PRKD1: variants seen among roughly 807,000 people sequenced by gnomAD.
PRKD1 encodes serine/threonine-protein kinase D1.
Under a neutral mutation model 95.9 loss-of-function variants are expected in PRKD1, and 63 were observed. The observed-to-expected ratio is 0.66, with a 90% confidence interval of 0.54 to 0.81. The LOEUF is 0.81. PRKD1 is among the 30% of genes least tolerant of loss of function. The probability of loss-of-function intolerance (pLI) is 0.00; values close to 1 mark genes in which losing one functional copy is unlikely to be tolerated. For synonymous variants in PRKD1, 425 were observed against 423.1 expected (o/e 1.00, Z -0.05); for missense variants, 1,048 against 1,165.3 (o/e 0.90, Z 1.47).
chr14:29,591,875 A>C (rs1461416821), intron 16 of PRKD1, among the ~76,000 whole-genome samples: 1 of 152,130 alleles, frequency 6.6e-6, no homozygotes, highest in African/African-American at 2.4e-5. Flanking sequence ...CATGAGGGAT[A>C]TCTTGATCTA....
chr14:29,744,753 G>A (rs1887135944), intron 1 of PRKD1, among the ~76,000 whole-genome samples: 1 of 152,038 alleles, frequency 6.6e-6, no homozygotes, highest in Non-Finnish European at 1.5e-5. Flanking sequence ...TTACCATGTT[G>A]CCAAGCTGGT....
At chr14:29,863,276 G>A (rs1337390584) in intron 1 of PRKD1, among the ~76,000 whole-genome samples, 2 of 151,986 alleles carry the variant, frequency 1.3e-5, no homozygotes, top group African/African-American at 4.8e-5. Context: ...AATTAATAAG[G>A]TAGGTACATA....
intron 2 of PRKD1, among the ~76,000 whole-genome samples, chr14:29,693,818 C>G (rs892386976): frequency 6.6e-5 from 10 of 152,142 alleles, no homozygotes; most frequent in Admixed American, 6.5e-4. Context: ...AGACTGTTAC[C>G]CAGATGGTTT....
At chr14:29,593,525 C>A (rs1464460290) in intron 16 of PRKD1, among the ~76,000 whole-genome samples, 2 of 152,214 alleles carry the variant, frequency 1.3e-5, no homozygotes, top group East Asian at 3.9e-4. Flanking sequence ...CATAGCCAAT[C>A]AGTGCCCCTT....
intron 1 of PRKD1, among the ~76,000 whole-genome samples, chr14:29,913,915 A>G (rs1365103326): frequency 6.6e-6 from 1 of 152,230 alleles, no homozygotes; most frequent in African/African-American, 2.4e-5. Flanking sequence ...CCTTTTCATT[A>G]GCAAGATACT....
At chr14:29,751,355 G>C (rs1279525850) in intron 1 of PRKD1, among the ~76,000 whole-genome samples, 1 of 152,142 alleles carries the variant, frequency 6.6e-6, no homozygotes, top group African/African-American at 2.4e-5. Flanking sequence ...GTCTACAGCT[G>C]GCTTCTGGGG....
chr14:29,887,134 T>C (rs1021523369), intron 1 of PRKD1, among the ~76,000 whole-genome samples: 2 of 152,192 alleles, frequency 1.3e-5, no homozygotes, highest in Non-Finnish European at 2.9e-5. Flanking sequence ...AATGTTAATA[T>C]AAAACTTTCT....
intron 1 of PRKD1, among the ~76,000 whole-genome samples, chr14:29,839,061 C>T (rs1370673634): frequency 6.6e-6 from 1 of 151,976 alleles, no homozygotes; most frequent in African/African-American, 2.4e-5. Flanking sequence ...GAAGATAAAG[C>T]CCACAATGTC....
intron 1 of PRKD1, among the ~76,000 whole-genome samples, chr14:29,925,769 CAG>C (rs1411823195): frequency 6.6e-6 from 1 of 152,184 alleles, no homozygotes; most frequent in African/African-American, 2.4e-5. Context: ...TAAAATTGTA[CAG>C]AATTACCTTT....
chr14:29,598,312 T>G (rs72675572), intron 15 of PRKD1, among the ~76,000 whole-genome samples: 59,528 of 142,576 alleles, frequency 0.42, 12,552 homozygotes, highest in African/African-American at 0.55. Flanking sequence ...TAAAATAAAA[T>G]AAAATAAAAT....
At chr14:29,869,986 T>C (rs1893046534) in intron 1 of PRKD1, among the ~76,000 whole-genome samples, 2 of 152,134 alleles carry the variant, frequency 1.3e-5, no homozygotes, top group South Asian at 4.1e-4. Context: ...TTCTTAATGA[T>C]TCTCCTTCAA....
intron 1 of PRKD1, among the ~76,000 whole-genome samples, chr14:29,869,456 A>G (rs75429340): frequency 6.6e-6 from 1 of 151,790 alleles, no homozygotes; most frequent in Non-Finnish European, 1.5e-5. Flanking sequence ...AAAAAAAAAA[A>G]GAAGAAAGAA....
At chr14:29,816,031 A>G (rs1890677971) in intron 1 of PRKD1, among the ~76,000 whole-genome samples, 1 of 152,184 alleles carries the variant, frequency 6.6e-6, no homozygotes, top group South Asian at 2.1e-4. Flanking sequence ...CATCCTGGCC[A>G]ACATGGTGAA....
intron 2 of PRKD1, among the ~76,000 whole-genome samples, chr14:29,721,215 G>A (rs1371830392): frequency 6.6e-6 from 1 of 152,100 alleles, no homozygotes; most frequent in Non-Finnish European, 1.5e-5. Context: ...TGATAGTGAG[G>A]ACCAAAAACT....
chr14:29,839,507 G>T (rs1414410017), intron 1 of PRKD1, among the ~76,000 whole-genome samples: 1 of 152,106 alleles, frequency 6.6e-6, no homozygotes, highest in Non-Finnish European at 1.5e-5. Context: ...GCTGTCAATG[G>T]ATCTACCATT....
chr14:29,779,706 T>C (rs1594511255), intron 1 of PRKD1, among the ~76,000 whole-genome samples: 1 of 152,122 alleles, frequency 6.6e-6, no homozygotes, highest in Admixed American at 6.6e-5. Context: ...AAAATGGCCA[T>C]ACTGCCCAAG....
At chr14:29,658,743 G>A (rs1233292692) in intron 4 of PRKD1, among the ~76,000 whole-genome samples, 1 of 152,140 alleles carries the variant, frequency 6.6e-6, no homozygotes, top group Non-Finnish European at 1.5e-5. Context: ...TACTGCAGGT[G>A]ACAATGTTTA....
chr14:29,782,752 C>A (rs556778965), intron 1 of PRKD1, among the ~76,000 whole-genome samples: 1 of 152,032 alleles, frequency 6.6e-6, no homozygotes, highest in African/African-American at 2.4e-5. Context: ...GCCATGTTGC[C>A]CAGGCTGGTC....
intron 1 of PRKD1, among the ~76,000 whole-genome samples, chr14:29,846,392 C>T (rs1440791993): frequency 6.6e-6 from 1 of 152,096 alleles, no homozygotes; most frequent in African/African-American, 2.4e-5. Context: ...AGCTGTAGCT[C>T]TGACTGAGGG....
Sources: gnomAD v4.1 joint callset for allele counts (sites outside exome capture counted in the v4.1 genomes callset) on GRCh38, gnomAD v4.1.1 for gene constraint, MANE v1.5 for transcripts, NCBI Gene and HGNC (gene_info 2026-07-23, HGNC 2026-07-21) for gene names.